The following SGPP1 variants were observed in gnomAD, a reference collection of about 807,000 sequenced individuals.
The protein encoded by SGPP1 is sphingosine-1-phosphate phosphatase 1.
In SGPP1, 21 loss-of-function variants were observed where a neutral mutation model predicts 33.0. The ratio of observed to expected loss-of-function variants is 0.64; its 90% CI spans 0.45 to 0.92. The LOEUF (loss-of-function observed/expected upper bound fraction) is 0.92, where lower values mean the gene tolerates loss of function less well. Ranked by LOEUF, SGPP1 falls within the 40% of genes least tolerant of loss-of-function variation. SGPP1 has a pLI of 0.00. For missense variants in SGPP1, 543 were observed against 589.4 expected (o/e 0.92, Z 0.81); for synonymous variants, 239 against 241.2 (o/e 0.99, Z 0.08).
At chr14:63,725,221 A>T (rs963686587) in intron 1 of SGPP1, among the ~76,000 whole-genome samples, 2 of 152,236 alleles carry the variant, frequency 1.3e-5, no homozygotes, top group East Asian at 3.9e-4. Flanking sequence ...AAAAATCCTT[A>T]AAAAATTAGC....
rs2139649803 is a variant in SGPP1 at position 63,715,134 on chromosome 14, C to T, written c.684+12127G>A. Among the ~76,000 whole-genome samples the T allele has an allele frequency of 1.3e-5, 2 of 151,798 alleles. 1 individual carries two copies. Among genetic ancestry groups the T allele is most frequent in the South Asian group, 4.2e-4 (2 of 4,788 alleles). ...AGTTCAAGTGATTCTCCGCCTCAGCCTACCAAGTAGTTGGGATTACAGGCG... is the reference window on the plus strand; with the variant it reads ...AGTTCAAGTGATTCTCCGCCTCAGCTTACCAAGTAGTTGGGATTACAGGCG... On this transcript the variant is annotated intron_variant, in intron 1 of 2. Coordinates refer to ENST00000247225, the MANE Select transcript of SGPP1 (RefSeq NM_030791.4).
intron 1 of SGPP1, among the ~76,000 whole-genome samples, chr14:63,718,791 T>A (rs1885684499): frequency 6.7e-6 from 1 of 149,890 alleles, no homozygotes. Flanking sequence ...ACCAATAATC[T>A]AAGTGAAAAA....
At position 63,713,274 on chromosome 14, in the gene SGPP1, C is replaced by T. The variant is rs115202679; in HGVS notation, c.684+13987G>A. On this transcript the variant is annotated intron_variant, in intron 1 of 2. Coordinates refer to ENST00000247225, the MANE Select transcript of SGPP1 (RefSeq NM_030791.4). ...GCTATTTCTATAAACCAAACTACTA[C>T]TTCTCAGCTTGCCAAGCAGGAAACC... Among the ~76,000 whole-genome samples the T allele has an allele frequency of 1.6e-3, 237 of 152,296 alleles. 1 individual carries two copies. The highest frequency in any genetic ancestry group is 5.5e-3 in the African/African-American group (229 of 41,564).
chr14:63,697,851 A>G (rs943965805), intron 2 of SGPP1, among the ~76,000 whole-genome samples: 1 of 152,222 alleles, frequency 6.6e-6, no homozygotes, highest in African/African-American at 2.4e-5. Context: ...TCAGTATAGC[A>G]TCGTATTTGT....
At chr14:63,688,718 T>C (rs1273544434) in intron 2 of SGPP1, among the ~76,000 whole-genome samples, 1 of 143,516 alleles carries the variant, frequency 7.0e-6, no homozygotes, top group Non-Finnish European at 1.5e-5. Context: ...TCATTTCTTT[T>C]TTTTTTCTTT....
chr14:63,726,759 T>C (rs1885890188), intron 1 of SGPP1, among the ~76,000 whole-genome samples: 1 of 152,234 alleles, frequency 6.6e-6, no homozygotes, highest in Non-Finnish European at 1.5e-5. Context: ...GATTACTTCA[T>C]TGCTTGGAAC....
At chr14:63,695,399 T>A (rs1885169111) in intron 2 of SGPP1, among the ~76,000 whole-genome samples, 1 of 152,224 alleles carries the variant, frequency 6.6e-6, no homozygotes, top group African/African-American at 2.4e-5. Context: ...GTGCCCTGGA[T>A]CCAGTTTAAA....
intron 1 of SGPP1, among the ~76,000 whole-genome samples, chr14:63,701,632 G>C (rs920418560): frequency 1.3e-5 from 2 of 152,066 alleles, no homozygotes; most frequent in Non-Finnish European, 2.9e-5. Context: ...AAGTAGAAGA[G>C]GTTAGGGAGG....
chr14:63,694,791 T>C (rs892488609), intron 2 of SGPP1, among the ~76,000 whole-genome samples: 1 of 152,226 alleles, frequency 6.6e-6, no homozygotes, highest in Non-Finnish European at 1.5e-5. Context: ...AAAGGAAATT[T>C]AGCAAATAAT....
At position 63,725,899 on chromosome 14, in the gene SGPP1, C is replaced by G. The variant is rs112878497; in HGVS notation, c.684+1362G>C. Among the ~76,000 whole-genome samples, 488 of 152,288 alleles carry G rather than the reference C, an allele frequency of 3.2e-3. 4 individuals carry two copies. The highest frequency in any genetic ancestry group is 0.011 in the African/African-American group (457 of 41,554). ...GCTAACATCACCAGGCCAAACACAG[C>G]TCATTGAAAATCTTAAATTCTGAAA... On this transcript the variant is annotated intron_variant, in intron 1 of 2. Transcript: ENST00000247225.
In SGPP1 at chr14:63,684,994, A is replaced by G. The variant is rs919848313; in HGVS notation, c.*1111T>C. 5 of 152,062 alleles carry G rather than the reference A, an allele frequency of 3.3e-5. No individual in the cohort carries two copies. Among genetic ancestry groups the G allele is most frequent in the African/African-American group, 1.2e-4 (5 of 41,446 alleles). The allele number at this position is 152,062 out of a possible 1,614,324, so 9.4% of individuals were successfully genotyped here. A position where few individuals can be genotyped will look rare whatever the true frequency, so the allele number is the denominator to read the frequency against. ...CTTTGTTTACATATGAAGTATGTGC[A>G]TTGTCCCATCTATAAATTTCAACGT... On this transcript the variant is annotated 3_prime_UTR_variant, in exon 3 of 3. Coordinates refer to ENST00000247225, the MANE Select transcript of SGPP1 (RefSeq NM_030791.4).
chr14:63,694,534 C>T (rs1007427262), intron 2 of SGPP1, among the ~76,000 whole-genome samples: 4 of 152,018 alleles, frequency 2.6e-5, no homozygotes, highest in Non-Finnish European at 4.4e-5. Context: ...AATCTGCTTC[C>T]TTTTCTGTTT....
At position 63,721,071 on chromosome 14, in the gene SGPP1, C is replaced by A. The variant is rs1050609523; in HGVS notation, c.684+6190G>T. 2.6e-5 allele frequency among the ~76,000 whole-genome samples: 4 copies of A among 152,116 alleles called. No homozygotes were observed. The South Asian group carries it at 8.3e-4, about 31-fold the overall frequency. On this transcript the variant is annotated intron_variant, in intron 1 of 2. Transcript: ENST00000247225. ...CTAATTTTTGTATTTTTAATAGACA[C>A]GGGGTTTCACCATATTGGTCAGGCT...
Position 63,685,315 on chromosome 14 carries a change from C to T in SGPP1, c.*790G>A, listed in dbSNP as rs1258200715. ...AGATAAAGTTAATGTCTTATTTTTACATCACAGTACACATAGCATTTCTTA... is the reference window on the plus strand; with the variant it reads ...AGATAAAGTTAATGTCTTATTTTTATATCACAGTACACATAGCATTTCTTA... On this transcript the variant is annotated 3_prime_UTR_variant, in exon 3 of 3. Transcript: ENST00000247225. 6.6e-6 allele frequency: 1 copy of T among 152,422 alleles called. No individual in the cohort carries two copies. Among genetic ancestry groups the T allele is most frequent in the African/African-American group, 2.4e-5 (1 of 41,428 alleles). 9.4% of individuals were successfully genotyped at this position (152,422 alleles called of 1,614,324 possible). A position where few individuals can be genotyped will look rare whatever the true frequency, so the allele number is the denominator to read the frequency against.
At chr14:63,719,733 CTCTCTA>C (rs72230248) in intron 1 of SGPP1, among the ~76,000 whole-genome samples, 4,218 of 134,264 alleles carry the variant, frequency 0.031, 182 homozygotes, top group African/African-American at 0.13. Flanking sequence ...CTCCCTCTCT[CTCTCTA>C]TATATATATA....
At chr14:63,710,363 T>G (rs1338588914) in intron 1 of SGPP1, among the ~76,000 whole-genome samples, 3 of 152,234 alleles carry the variant, frequency 2.0e-5, no homozygotes, top group Non-Finnish European at 4.4e-5. Flanking sequence ...TAAACCAAAT[T>G]TATTGGTTAT....
In SGPP1 at chr14:63,727,921, G is replaced by A; in HGVS notation, c.24C>T (p.Ala8=). 6.5e-7 allele frequency: 1 copy of A among 1,545,394 alleles called. No homozygotes were observed. The highest frequency in any genetic ancestry group is 8.7e-7 in the Non-Finnish European group (1 of 1,154,754). MSLRQRL[A]QLVGRLQDPQ... is the part of the protein sequence containing the mutation. ...GGTCCTGCAGACGGCCAACCAGCTG[G>A]GCCAGGCGCTGCCTCAGCGACATGA... Residue 8 remains alanine (A), a synonymous_variant, in exon 1 of 3, where the codon GCC becomes GCT. Transcript: ENST00000247225.
chr14:63,725,078 T>A (rs1885851786), intron 1 of SGPP1, among the ~76,000 whole-genome samples: 1 of 148,282 alleles, frequency 6.7e-6, no homozygotes, highest in African/African-American at 2.5e-5. Flanking sequence ...AACTTTCATA[T>A]AAAGGAGGCT....
At chr14:63,709,574 T>C (rs902845106) in intron 1 of SGPP1, among the ~76,000 whole-genome samples, 1 of 152,168 alleles carries the variant, frequency 6.6e-6, no homozygotes, top group Admixed American at 6.6e-5. Flanking sequence ...GTTTCCTGGC[T>C]TCTGTTTTCA....
Sources: gnomAD v4.1 joint callset for allele counts (sites outside exome capture counted in the v4.1 genomes callset) on GRCh38, gnomAD v4.1.1 for gene constraint, MANE v1.5 for transcripts, NCBI Gene and HGNC (gene_info 2026-07-23, HGNC 2026-07-21) for gene names.